The following PHF20 variants were observed in gnomAD, a reference collection of about 807,000 sequenced individuals.
PHF20 encodes glioma-expressed antigen 2.
Under a neutral mutation model 113.5 loss-of-function variants are expected in PHF20, and 23 were observed. The observed-to-expected ratio is 0.20, with a 90% CI of 0.15 to 0.29. The LOEUF (loss-of-function observed/expected upper bound fraction) is 0.29. Ranked by LOEUF, PHF20 falls within the 10% of genes least tolerant of loss-of-function variation. The probability of loss-of-function intolerance (pLI) is 1.00; values close to 1 mark genes in which losing one functional copy is unlikely to be tolerated. For synonymous variants in PHF20, 434 were observed against 457.3 expected (o/e 0.95, Z 0.65); for missense variants, 943 against 1,219.6 (o/e 0.77, Z 3.38).
At position 35,871,136 on chromosome 20, in the gene PHF20, T is replaced by C. The variant is rs777612444; in HGVS notation, c.1102+2T>C. On this transcript the variant is annotated splice_donor_variant, in intron 8 of 17. Transcript: ENST00000374012. LOFTEE classifies it high-confidence loss of function. The stretch of plus-strand genomic sequence containing the variant: ...CTAGTACCAAGGAATCTGAAGAAGG[T>C]GAGTCAGTCTGTTCAGGAATTGTCT... 6.2e-7 allele frequency: 1 copy of C among 1,606,246 alleles called. No individual in the cohort carries two copies.
chr20:35,884,028 T>C (rs779086494), intron 9 of PHF20, among the ~76,000 whole-genome samples: 1 of 152,152 alleles, frequency 6.6e-6, no homozygotes, highest in Non-Finnish European at 1.5e-5. Flanking sequence ...GAAAATGTCT[T>C]GATCTGGAAA....
At position 35,863,412 on chromosome 20, in the gene PHF20, A is replaced by G. The variant is rs182783791; in HGVS notation, c.808+12A>G. On this transcript the variant is annotated intron_variant, in intron 6 of 17. Transcript: ENST00000374012. ...CATAGCTCCTACTGGTGAGTTTTTT[A>G]AGTGGGCTCTGCAATGGGCAATGCC... 118 of 1,575,922 alleles carry G rather than the reference A, an allele frequency of 7.5e-5. 1 individual carries two copies. The East Asian group carries it at 1.5e-3, about 20-fold the overall frequency.
At chr20:35,794,350 C>T (rs956707660) in intron 1 of PHF20, among the ~76,000 whole-genome samples, 1 of 151,518 alleles carries the variant, frequency 6.6e-6, no homozygotes, top group Non-Finnish European at 1.5e-5. Flanking sequence ...ATGTGCTTAT[C>T]TTGTTTCTTA....
chr20:35,802,991 C>T (rs1254631361), intron 2 of PHF20, among the ~76,000 whole-genome samples: 2 of 149,014 alleles, frequency 1.3e-5, no homozygotes, highest in Non-Finnish European at 3.0e-5. Flanking sequence ...TGGTGGCTCA[C>T]GCCTATAATC....
At chr20:35,772,725 G>T (rs890304350) in intron 1 of PHF20, among the ~76,000 whole-genome samples, 13 of 151,830 alleles carry the variant, frequency 8.6e-5, no homozygotes, top group African/African-American at 2.9e-4. Context: ...CTTTTTTCGG[G>T]CCTCCAATTT....
intron 10 of PHF20, among the ~76,000 whole-genome samples, chr20:35,908,954 A>G (rs1387258634): frequency 6.6e-6 from 1 of 152,196 alleles, no homozygotes; most frequent in Non-Finnish European, 1.5e-5. Context: ...GATATTCTAC[A>G]TAGACAGATC....
chr20:35,921,372 G>T (rs747117808), intron 13 of PHF20, among the ~76,000 whole-genome samples: 26 of 151,640 alleles, frequency 1.7e-4, no homozygotes, highest in Non-Finnish European at 3.7e-4. Context: ...ACATTTTGCA[G>T]ACTCTCTGAA....
chr20:35,885,861 C>G (rs1183866335), intron 9 of PHF20, among the ~76,000 whole-genome samples: 2 of 152,132 alleles, frequency 1.3e-5, no homozygotes, highest in Non-Finnish European at 1.5e-5. Flanking sequence ...ATCAAACTTT[C>G]ACCCATTATT....
At chr20:35,826,445 A>C (rs1204897026) in intron 2 of PHF20, among the ~76,000 whole-genome samples, 3 of 152,150 alleles carry the variant, frequency 2.0e-5, no homozygotes, top group Non-Finnish European at 2.9e-5. Context: ...GTCTGAAATA[A>C]CCAGGGTTGG....
intron 10 of PHF20, among the ~76,000 whole-genome samples, chr20:35,901,725 C>T (rs1277100401): frequency 2.0e-5 from 3 of 152,152 alleles, no homozygotes; most frequent in Non-Finnish European, 4.4e-5. Flanking sequence ...ATTTTGCCAT[C>T]GGATCGATCT....
chr20:35,850,296 G>GTTTTT lies in PHF20; in HGVS notation c.340+2887_340+2891dup, dbSNP rs554100863. Among the ~76,000 whole-genome samples the GTTTTT allele has an allele frequency of 5.8e-4, 36 of 62,358 alleles. 6 individuals carry two copies. The highest frequency in any genetic ancestry group is 9.1e-4 in the African/African-American group (16 of 17,654). 40.9% of individuals were successfully genotyped at this position (62,358 alleles called of 152,430 possible). ...CTGGGGCTGCTTAGCTTCCCCCTCCGTTTTTTTTTTTTTTTTTTTTTTTTT... is the reference window on the plus strand; with the variant it reads ...CTGGGGCTGCTTAGCTTCCCCCTCCGTTTTTTTTTTTTTTTTTTTTTTTTTTTTTT... On this transcript the variant is annotated intron_variant, in intron 4 of 17. Coordinates refer to ENST00000374012, the MANE Select transcript of PHF20 (RefSeq NM_016436.5).
At chr20:35,871,890 A>G in intron 9 of PHF20, 61 bp downstream of exon 9, 1 of 1,257,864 alleles carries the variant, frequency 7.9e-7, no homozygotes, top group East Asian at 2.5e-5. Context: ...TGCTTTGTGA[A>G]CTAAAAAAAA....
At position 35,828,862 on chromosome 20, in the gene PHF20, A is replaced by C. The variant is rs554142491; in HGVS notation, c.84-13711A>C. Among the ~76,000 whole-genome samples the C allele has an allele frequency of 2.0e-5, 3 of 152,344 alleles. No homozygotes were observed. In the South Asian group the frequency reaches 6.2e-4, roughly 32 times the overall value. ...TCTAGATACCAAAGCAGTCTAGCAA[A>C]ATGCAACTTTGTTAGCTACTTAGTG... is the stretch of plus-strand genomic sequence containing the variant. On this transcript the variant is annotated intron_variant, in intron 2 of 17. Coordinates refer to ENST00000374012, the MANE Select transcript of PHF20 (RefSeq NM_016436.5).
chr20:35,831,405 G>A (rs1258488538), intron 2 of PHF20, among the ~76,000 whole-genome samples: 1 of 152,064 alleles, frequency 6.6e-6, no homozygotes, highest in Non-Finnish European at 1.5e-5. Context: ...TGGGCTCAGG[G>A]GATCCTCCTT....
intron 1 of PHF20, among the ~76,000 whole-genome samples, chr20:35,798,850 C>A (rs1569124537): frequency 6.6e-6 from 1 of 151,990 alleles, no homozygotes; most frequent in Non-Finnish European, 1.5e-5. Flanking sequence ...CAGTCTCAAC[C>A]TCCTGGGCTC....
At chr20:35,809,887 C>T (rs984014326) in intron 2 of PHF20, among the ~76,000 whole-genome samples, 1 of 152,052 alleles carries the variant, frequency 6.6e-6, no homozygotes, top group East Asian at 1.9e-4. Context: ...AGGGACAGTT[C>T]CCTGGTGAAA....
chr20:35,894,372 A>G (rs1255749605), intron 9 of PHF20, among the ~76,000 whole-genome samples: 1 of 152,204 alleles, frequency 6.6e-6, no homozygotes, highest in African/African-American at 2.4e-5. Context: ...CTTTTCTCCA[A>G]ATCTTTGAAA....
chr20:35,780,718 T>C (rs1345527594), intron 1 of PHF20, among the ~76,000 whole-genome samples: 1 of 147,542 alleles, frequency 6.8e-6, no homozygotes, highest in Non-Finnish European at 1.5e-5. Flanking sequence ...GGCTAATCTT[T>C]TATATTTTTA....
At chr20:35,811,172 G>A (rs1463771545) in intron 2 of PHF20, among the ~76,000 whole-genome samples, 4 of 151,408 alleles carry the variant, frequency 2.6e-5, no homozygotes, top group African/African-American at 7.3e-5. Context: ...TCAGCCTCCC[G>A]AGTAGCTGGG....
Sources: gnomAD v4.1 joint callset for allele counts (sites outside exome capture counted in the v4.1 genomes callset) on GRCh38, gnomAD v4.1.1 for gene constraint, MANE v1.5 for transcripts, NCBI Gene and HGNC (gene_info 2026-07-23, HGNC 2026-07-21) for gene names.